KMT2C: variants seen among roughly 807,000 people sequenced by gnomAD.
The protein encoded by KMT2C is histone-lysine N-methyltransferase 2C.
Under a neutral mutation model 507.9 loss-of-function variants are expected in KMT2C, and 88 were observed. The ratio of observed to expected loss-of-function variants is 0.17; its 90% CI spans 0.15 to 0.21. KMT2C has a LOEUF of 0.21. Among genes scored for constraint, KMT2C ranks in the 10% least tolerant of loss-of-function variants. The pLI is 1.00. For synonymous variants in KMT2C, 2,049 were observed against 2,080.8 expected (o/e 0.98, Z 0.42); for missense variants, 4,954 against 5,957.8 (o/e 0.83, Z 5.55).
chr7:152,239,602 A>G (rs1368758185), intron 14 of KMT2C, among the ~76,000 whole-genome samples: 1 of 152,254 alleles, frequency 6.6e-6, no homozygotes, highest in Non-Finnish European at 1.5e-5. Flanking sequence ...CTATATAACT[A>G]AAACTAAAGC....
chr7:152,205,739 T>C (rs2094290263), intron 24 of KMT2C, among the ~76,000 whole-genome samples: 1 of 152,218 alleles, frequency 6.6e-6, no homozygotes. Flanking sequence ...ACAGCCTAAA[T>C]GTGTAGTAAG....
intron 1 of KMT2C, among the ~76,000 whole-genome samples, chr7:152,388,800 G>A (rs2097459233): frequency 6.6e-6 from 1 of 152,190 alleles, no homozygotes; most frequent in African/African-American, 2.4e-5. Context: ...TCAGGCTGGA[G>A]TGCAATGGCG....
chr7:152,433,691 C>G (rs559282366), intron 1 of KMT2C, among the ~76,000 whole-genome samples: 1 of 152,330 alleles, frequency 6.6e-6, no homozygotes, highest in South Asian at 2.1e-4. Context: ...TACTGTTATT[C>G]AGCAGAAATT....
At chr7:152,152,081 G>T (rs970073408) in intron 49 of KMT2C, among the ~76,000 whole-genome samples, 4 of 152,160 alleles carry the variant, frequency 2.6e-5, no homozygotes, top group Admixed American at 1.3e-4. Context: ...GCAGTGTGAA[G>T]GCAAAAAGGA....
At chr7:152,231,045 G>A (rs1266502835) in intron 16 of KMT2C, among the ~76,000 whole-genome samples, 4 of 152,122 alleles carry the variant, frequency 2.6e-5, no homozygotes, top group Non-Finnish European at 5.9e-5. Flanking sequence ...TCTAACTCCT[G>A]ACCGCAAATG....
Position 152,194,014 on chromosome 7 carries a change from T to G in KMT2C, c.4655A>C (p.Asn1552Thr). 1 of 1,554,716 alleles carries G rather than the reference T, an allele frequency of 6.4e-7. No homozygotes were observed. The highest frequency in any genetic ancestry group is 8.6e-7 in the Non-Finnish European group (1 of 1,159,026). Residue 1552 changes from asparagine (N) to threonine (T), a missense_variant, in exon 31 of 59, where the codon AAT (asparagine) becomes ACT (threonine). By Grantham distance (65) the Asn-to-Thr change is moderately conservative (BLOSUM62 0). This residue lies in a region of KMT2C where 195 missense variants were observed against 183.7 expected (regional missense o/e 1.06). Transcript: ENST00000262189. ...PPPTQLLPIHNQDAFSRMPLM... is the reference protein window; with the variant it reads ...PPPTQLLPIHTQDAFSRMPLM... Reference sequence around the variant, plus strand: ...ATTATAAAGTCATAACATACCCTGATTGTGTATTGGCAACAGCTGTGTTGG... The same window carrying G: ...ATTATAAAGTCATAACATACCCTGAGTGTGTATTGGCAACAGCTGTGTTGG...
At chr7:152,294,385 G>T (rs2129188159) in intron 6 of KMT2C, among the ~76,000 whole-genome samples, 2 of 152,288 alleles carry the variant, frequency 1.3e-5, no homozygotes, top group South Asian at 4.1e-4. Context: ...CAGGTAACAT[G>T]ACCTGGGGAA....
rs1217052972 is a variant in KMT2C, at chr7:152,188,605, C to CTTTTTTT, written c.4661-765_4661-759dup. 6.2e-4 allele frequency among the ~76,000 whole-genome samples: 60 copies of CTTTTTTT among 96,758 alleles called. 7 individuals carry two copies. Among genetic ancestry groups the CTTTTTTT allele is most frequent in the African/African-American group, 1.5e-3 (32 of 20,822 alleles). The allele number at this position is 96,758 out of a possible 152,430, so 63.5% of individuals were successfully genotyped here. A position where few individuals can be genotyped will look rare whatever the true frequency, so the allele number is the denominator to read the frequency against. ...AAAAAAAAAAATCTATGATTCTTTC[C>CTTTTTTT]TTTTTTTTTTTTTTTTTTTGTTTTT... On this transcript the variant is annotated intron_variant, in intron 31 of 58. Transcript: ENST00000262189.
At position 152,405,261 on chromosome 7, in the gene KMT2C, CTTTTT is replaced by C. The variant is rs5888467; in HGVS notation, c.161+30360_161+30364del. 9.2e-5 allele frequency among the ~76,000 whole-genome samples: 14 copies of C among 151,992 alleles called. No homozygotes were observed. The East Asian group carries it at 1.2e-3, about 13-fold the overall frequency. ...CAGATCTAAATTTAGTTTAACTTCACTTTTTTTTTTTTTTTTTTTTTTCTGCCCAG... is the reference window on the plus strand; with the variant it reads ...CAGATCTAAATTTAGTTTAACTTCACTTTTTTTTTTTTTTTTTCTGCCCAG... On this transcript the variant is annotated intron_variant, in intron 1 of 58. Transcript: ENST00000262189.
chr7:152,191,955 A>C (rs2129127511), intron 31 of KMT2C, among the ~76,000 whole-genome samples: 1 of 152,270 alleles, frequency 6.6e-6, no homozygotes, highest in East Asian at 1.9e-4. Context: ...TGTATACCTG[A>C]AAGTCTACAG....
chr7:152,171,141 A>T (rs954886044), intron 40 of KMT2C, 123 bp downstream of exon 40: 1 of 524,126 alleles, frequency 1.9e-6, no homozygotes, highest in Non-Finnish European at 3.2e-6. Context: ...ATATGGTGAA[A>T]TCCGCATTTA....
At chr7:152,178,841 A>G (rs2093325293) in intron 37 of KMT2C, among the ~76,000 whole-genome samples, 1 of 152,236 alleles carries the variant, frequency 6.6e-6, no homozygotes, top group African/African-American at 2.4e-5. Flanking sequence ...TTTCCTTATT[A>G]TAACTAGGGC....
chr7:152,357,918 G>T (rs957643935), intron 2 of KMT2C, among the ~76,000 whole-genome samples: 1 of 152,158 alleles, frequency 6.6e-6, no homozygotes, highest in African/African-American at 2.4e-5. Context: ...CAACTTCAGA[G>T]AAAAAGCCTA....
chr7:152,145,403 T>C, intron 53 of KMT2C, 108 bp from the exon 54 acceptor site: 1 of 1,089,648 alleles, frequency 9.2e-7, no homozygotes, highest in Non-Finnish European at 1.3e-6. Flanking sequence ...ATCAGCGTTT[T>C]CCCCGATAAT....
intron 4 of KMT2C, among the ~76,000 whole-genome samples, chr7:152,314,073 G>C (rs765709370): frequency 2.6e-5 from 4 of 152,052 alleles, no homozygotes; most frequent in Admixed American, 1.3e-4. Flanking sequence ...TAAAGAAAAA[G>C]CTATAGCCTC....
chr7:152,288,161 C>CA (rs1224246623), intron 6 of KMT2C, among the ~76,000 whole-genome samples: 1 of 137,448 alleles, frequency 7.3e-6, no homozygotes, highest in Non-Finnish European at 1.6e-5. Flanking sequence ...AAATAAAATA[C>CA]AAACTAAGCT....
At chr7:152,278,095 T>A (rs2096121276) in intron 6 of KMT2C, among the ~76,000 whole-genome samples, 2 of 151,948 alleles carry the variant, frequency 1.3e-5, no homozygotes, top group African/African-American at 4.8e-5. Context: ...ATGGGAGGTG[T>A]TTGGGTCATG....
rs1244623975 is a variant in KMT2C, at chr7:152,177,851, T to C, written c.7602A>G (p.Pro2534=). ...RPLNNSQMNN[P]VGLPQHFSPQ... ...GTGAAAAATGCTGAGGAAGTCCAAC[T>C]GGATTATTCATTTGTGAGTTATTTA... is the stretch of plus-strand genomic sequence containing the variant. The change falls in exon 38 of 59, where the codon CCA becomes CCG. Residue 2534 remains proline (P), a synonymous_variant. Coordinates refer to ENST00000262189, the MANE Select transcript of KMT2C (RefSeq NM_170606.3). The C allele has an allele frequency of 1.2e-6, 2 of 1,613,702 alleles. No homozygotes were observed. The highest frequency in any genetic ancestry group is 1.7e-6 in the Non-Finnish European group (2 of 1,179,908).
Position 152,261,651 on chromosome 7 carries a change from G to C in KMT2C, c.1299+1365C>G, listed in dbSNP as rs2095780841. On this transcript the variant is annotated intron_variant, in intron 9 of 58. Transcript: ENST00000262189. ...ATAAAGTTACAAATACAATAAATTT[G>C]GCTTCAGCCAAAGCTACAGCCGAAG... Among the ~76,000 whole-genome samples the C allele has an allele frequency of 3.3e-5, 5 of 152,008 alleles. No homozygotes were observed. The South Asian group carries it at 1.0e-3, about 32-fold the overall frequency.
Sources: allele counts gnomAD v4.1 joint callset (sites outside exome capture counted in the v4.1 genomes callset), GRCh38; gene constraint gnomAD v4.1.1; regional missense constraint gnomAD v4.1.1; transcripts MANE v1.5; gene names NCBI Gene and HGNC (gene_info 2026-07-23, HGNC 2026-07-21).